SPOCK3: variants seen among roughly 807,000 people sequenced by gnomAD.
SPOCK3 encodes testican-3.
SPOCK3 carries 30 observed loss-of-function variants against 56.6 expected under a neutral mutation model. The observed-to-expected ratio is 0.53, with a 90% confidence interval of 0.40 to 0.72. SPOCK3 has a LOEUF of 0.72. Among genes scored for constraint, SPOCK3 ranks in the 30% least tolerant of loss-of-function variants. The pLI, the probability that SPOCK3 is intolerant of heterozygous loss-of-function variation, is 0.00. For synonymous variants in SPOCK3, 196 were observed against 183.3 expected (o/e 1.07, Z -0.56); for missense variants, 527 against 530.0 (o/e 0.99, Z 0.06).
intron 4 of SPOCK3, among the ~76,000 whole-genome samples, chr4:166,966,866 A>T (rs1744795335): frequency 6.6e-6 from 1 of 152,090 alleles, no homozygotes. Context: ...TATAGTGATA[A>T]ATTAGCTCTA....
chr4:166,795,705 T>A (rs1455288525), intron 6 of SPOCK3, among the ~76,000 whole-genome samples: 1 of 151,908 alleles, frequency 6.6e-6, no homozygotes, highest in Non-Finnish European at 1.5e-5. Context: ...GAAGTATTTA[T>A]TAATAGTAAT....
At chr4:166,945,054 T>C (rs1235340884) in intron 4 of SPOCK3, among the ~76,000 whole-genome samples, 3 of 152,204 alleles carry the variant, frequency 2.0e-5, no homozygotes, top group Non-Finnish European at 4.4e-5. Context: ...TATACCACTA[T>C]CAATCTTTGA....
chr4:166,979,217 A>C (rs1170234993), intron 4 of SPOCK3, among the ~76,000 whole-genome samples: 2 of 152,136 alleles, frequency 1.3e-5, no homozygotes, highest in East Asian at 1.9e-4. Flanking sequence ...TCCTACCCAG[A>C]GTAAGCCCCT....
intron 7 of SPOCK3, among the ~76,000 whole-genome samples, chr4:166,769,655 A>T (rs1738659125): frequency 6.6e-6 from 1 of 152,136 alleles, no homozygotes; most frequent in Non-Finnish European, 1.5e-5. Context: ...TTGAGGAGGC[A>T]GTCTGTCCGT....
At position 166,810,691 on chromosome 4, in the gene SPOCK3, C is replaced by T. The variant is rs13108216; in HGVS notation, c.590-18402G>A. ...ATCATACTTTCTTAAAAATATATTC[C>T]TAGATTATCATTTTTTATTGTTAGT... is the stretch of plus-strand genomic sequence containing the variant. On this transcript the variant is annotated intron_variant, in intron 6 of 10. Coordinates refer to ENST00000357545, the MANE Select transcript of SPOCK3 (RefSeq NM_001040159.2). Among the ~76,000 whole-genome samples the T allele has an allele frequency of 2.5e-3, 387 of 151,838 alleles. 10 individuals carry two copies. In the East Asian group the frequency reaches 0.059, roughly 23 times the overall value.
At chr4:166,747,399 A>G (rs2126445428) in intron 8 of SPOCK3, among the ~76,000 whole-genome samples, 1 of 152,336 alleles carries the variant, frequency 6.6e-6, no homozygotes, top group Non-Finnish European at 1.5e-5. Context: ...GATTATCTCA[A>G]TAGTTGCAGA....
At chr4:166,890,261 G>C (rs1231074091) in intron 5 of SPOCK3, among the ~76,000 whole-genome samples, 3 of 151,896 alleles carry the variant, frequency 2.0e-5, no homozygotes, top group Non-Finnish European at 4.4e-5. Flanking sequence ...GTCTAGAAGA[G>C]AGGAATGCCT....
intron 4 of SPOCK3, among the ~76,000 whole-genome samples, chr4:166,942,724 A>T (rs750373749): frequency 1.6e-4 from 24 of 152,310 alleles, no homozygotes; most frequent in Non-Finnish European, 2.8e-4. Context: ...TTGGCATAAC[A>T]CTTAGAAAGT....
chr4:167,058,237 A>G (rs10016719), intron 3 of SPOCK3, among the ~76,000 whole-genome samples: 1,784 of 152,268 alleles, frequency 0.012, 33 homozygotes, highest in African/African-American at 0.041. Context: ...ACATGATTGT[A>G]TATCTAGAAA....
chr4:166,782,870 A>C (rs1474056408), intron 7 of SPOCK3, among the ~76,000 whole-genome samples: 5 of 152,220 alleles, frequency 3.3e-5, no homozygotes, highest in Non-Finnish European at 5.9e-5. Context: ...AGACTTTCTT[A>C]AAGAACATGA....
intron 5 of SPOCK3, among the ~76,000 whole-genome samples, chr4:166,901,404 A>G (rs1048008907): frequency 3.3e-5 from 5 of 152,198 alleles, no homozygotes; most frequent in Non-Finnish European, 7.3e-5. Flanking sequence ...TCAATGGGAC[A>G]ACAGACTCAT....
intron 4 of SPOCK3, among the ~76,000 whole-genome samples, chr4:166,988,279 CTGA>C (rs1747382504): frequency 6.6e-6 from 1 of 151,934 alleles, no homozygotes; most frequent in Admixed American, 6.6e-5. Context: ...ATTAATTAAA[CTGA>C]TATCTGCACA....
Position 166,754,742 on chromosome 4 carries a change from A to T in SPOCK3, c.710-13T>A. ...CTGGTATCGAATCCTAAAGGCAAAAAAAAGAAAATGATTAGTTAAATATGA... is the reference window on the plus strand; with the variant it reads ...CTGGTATCGAATCCTAAAGGCAAAATAAAGAAAATGATTAGTTAAATATGA... On this transcript the variant is annotated splice_polypyrimidine_tract_variant and intron_variant, in intron 7 of 10. Transcript: ENST00000357545. The T allele has an allele frequency of 1.9e-6, 3 of 1,612,498 alleles. No homozygotes were observed. The highest frequency in any genetic ancestry group is 2.5e-6 in the Non-Finnish European group (3 of 1,179,238).
chr4:166,940,351 C>A (rs1300477300), intron 4 of SPOCK3, among the ~76,000 whole-genome samples: 1 of 152,132 alleles, frequency 6.6e-6, no homozygotes, highest in Admixed American at 6.5e-5. Flanking sequence ...CTACCGAAGT[C>A]CGCGACAGAG....
intron 4 of SPOCK3, among the ~76,000 whole-genome samples, chr4:166,944,948 A>G (rs535720039): frequency 6.6e-6 from 1 of 152,300 alleles, no homozygotes; most frequent in African/African-American, 2.4e-5. Context: ...AATTGTATTC[A>G]GTGGGTTATA....
At chr4:167,084,959 G>T (rs1758055236) in intron 2 of SPOCK3, among the ~76,000 whole-genome samples, 1 of 152,024 alleles carries the variant, frequency 6.6e-6, no homozygotes, top group African/African-American at 2.4e-5. Flanking sequence ...ATTAATTGAA[G>T]AATCTGTTTT....
At chr4:166,963,869 T>C (rs1744420979) in intron 4 of SPOCK3, among the ~76,000 whole-genome samples, 1 of 151,850 alleles carries the variant, frequency 6.6e-6, no homozygotes, top group South Asian at 2.1e-4. Context: ...ATATCAGATA[T>C]TAGATATCAT....
At chr4:167,014,383 T>C (rs1750395504) in intron 3 of SPOCK3, among the ~76,000 whole-genome samples, 1 of 151,874 alleles carries the variant, frequency 6.6e-6, no homozygotes, top group Non-Finnish European at 1.5e-5. Context: ...AGATGGCTCA[T>C]GCTTGCAATC....
At chr4:167,185,541 C>G (rs1314213633) in intron 2 of SPOCK3, among the ~76,000 whole-genome samples, 1 of 152,120 alleles carries the variant, frequency 6.6e-6, no homozygotes, top group African/African-American at 2.4e-5. Flanking sequence ...ATCCAAAGCT[C>G]TGCCATGGCC....
Sources: gnomAD v4.1 joint callset for allele counts (sites outside exome capture counted in the v4.1 genomes callset) on GRCh38, gnomAD v4.1.1 for gene constraint, MANE v1.5 for transcripts, NCBI Gene and HGNC (gene_info 2026-07-23, HGNC 2026-07-21) for gene names.